Variants in CCNG1 observed in about 807,000 individuals in gnomAD.
CCNG1 encodes cyclin-G1.
CCNG1 carries 13 observed loss-of-function variants against 30.0 expected under a neutral mutation model. That is an observed-to-expected ratio of 0.43 (90% CI 0.28 to 0.69). The LOEUF is 0.69. CCNG1 is among the 30% of genes least tolerant of loss of function. CCNG1 has a pLI of 0.16. For missense variants in CCNG1, 285 were observed against 331.4 expected (o/e 0.86, Z 1.09); for synonymous variants, 110 against 121.5 (o/e 0.91, Z 0.62).
In CCNG1 at chr5:163,444,853, A is replaced by T. The variant is rs1757993307; in HGVS notation, c.*1183A>T. 1 of 152,630 alleles carries T rather than the reference A, an allele frequency of 6.6e-6. No homozygotes were observed. Among genetic ancestry groups the T allele is most frequent in the South Asian group, 2.1e-4 (1 of 4,828 alleles). 9.5% of individuals were successfully genotyped at this position (152,630 alleles called of 1,614,324 possible). ...GTATATCTTATTCTTAACTTTTGTA[A>T]ACCATGTTTTATGGGTAACTTTTTA... On this transcript the variant is annotated 3_prime_UTR_variant, in exon 7 of 7. Transcript: ENST00000340828.
the CCNG1 span, chr5:163,456,783 G>A: frequency 3.3e-6 from 2 of 612,772 alleles, no homozygotes; most frequent in South Asian, 3.3e-5. Flanking sequence ...TACAAGAAAG[G>A]CCATTTTTCT....
At chr5:163,439,086 C>T in intron 1 of CCNG1, 171 bp from the exon 2 acceptor site, 1 of 553,784 alleles carries the variant, frequency 1.8e-6, no homozygotes, top group Admixed American at 3.4e-5. Flanking sequence ...ATGTGACCAA[C>T]TTGTAGAAGG....
intron 2 of CCNG1, 29 bp downstream of exon 2, chr5:163,439,549 TTGCTCAG>T: frequency 3.8e-6 from 6 of 1,588,830 alleles, no homozygotes; most frequent in Non-Finnish European, 5.1e-6. Flanking sequence ...TTTTGTAATT[TTGCTCAG>T]TGTGTTTTGG....
At chr5:163,455,180 T>G in the CCNG1 span, among the ~76,000 whole-genome samples, 1 of 151,918 alleles carries the variant, frequency 6.6e-6, no homozygotes, top group Non-Finnish European at 1.5e-5. Flanking sequence ...GAAATAAAAT[T>G]ATATTTAAAT....
chr5:163,454,541 A>G, the CCNG1 span, among the ~76,000 whole-genome samples: 2 of 152,050 alleles, frequency 1.3e-5, no homozygotes, highest in Non-Finnish European at 1.5e-5. Context: ...GGGTTTCTCC[A>G]TGTTGGTCAG....
At chr5:163,450,347 T>C (rs1324378566), downstream of CCNG1, 1 of 152,164 alleles carries the variant, frequency 6.6e-6, no homozygotes, top group East Asian at 1.9e-4. Context: ...AATGGCATGA[T>C]GGATAAGACT....
rs79186266 is a variant in CCNG1, at chr5:163,439,611, T to G, written c.264+91T>G. The G allele has an allele frequency of 1.5e-3, 1,322 of 893,202 alleles. 14 individuals carry two copies. The African/African-American group carries it at 0.035, about 23-fold the overall frequency. The allele number at this position is 893,202 out of a possible 1,614,324, so 55.3% of individuals were successfully genotyped here. On this transcript the variant is annotated intron_variant, in intron 2 of 6. Transcript: ENST00000340828. ...TGGCTGGTATTCATAAACTTGACCT[T>G]TTTTTTTTCAGCACGTAGCCAAAAC...
rs193188036 is a variant in CCNG1 at position 163,444,482 on chromosome 5, G to A, written c.*812G>A. On this transcript the variant is annotated 3_prime_UTR_variant, in exon 7 of 7. Coordinates refer to ENST00000340828, the MANE Select transcript of CCNG1 (RefSeq NM_004060.4). ...CGAAAACTTGCTTTCCCACACTAAG[G>A]TAAGTTCAGACTAGATTGAACACTC... is the stretch of plus-strand genomic sequence containing the variant. 8.5e-5 allele frequency: 13 copies of A among 152,574 alleles called. No individual in the cohort carries two copies. The highest frequency in any genetic ancestry group is 1.6e-4 in the Non-Finnish European group (11 of 68,002). The allele number at this position is 152,574 out of a possible 1,614,324, so 9.5% of individuals were successfully genotyped here. A position where few individuals can be genotyped will look rare whatever the true frequency, so the allele number is the denominator to read the frequency against.
At chr5:163,441,484 A>C (rs557730325) in intron 3 of CCNG1, among the ~76,000 whole-genome samples, 153 bp downstream of exon 3, 31 of 152,348 alleles carry the variant, frequency 2.0e-4, no homozygotes, top group Non-Finnish European at 1.8e-4. Flanking sequence ...CATAAGTGAG[A>C]AAATGTTCCA....
At chr5:163,447,217 C>A, downstream of CCNG1, 1 of 152,610 alleles carries the variant, frequency 6.6e-6, no homozygotes, top group South Asian at 1.9e-4. Context: ...TTTGGGAAGC[C>A]AAGGTGGGAG....
At chr5:163,457,010 T>G in the CCNG1 span, 11 of 1,613,654 alleles carry the variant, frequency 6.8e-6, no homozygotes, top group Non-Finnish European at 9.3e-6. Context: ...CAGATTCTAG[T>G]AGAGAAGTCC....
intron 2 of CCNG1, among the ~76,000 whole-genome samples, chr5:163,440,183 A>C (rs1757732345): frequency 6.6e-6 from 1 of 152,102 alleles, no homozygotes; most frequent in East Asian, 1.9e-4. Flanking sequence ...TCGGTATCTA[A>C]CACAGTGCAT....
chr5:163,449,831 G>A (rs889881491), downstream of CCNG1: 3 of 152,094 alleles, frequency 2.0e-5, no homozygotes, highest in Non-Finnish European at 4.4e-5. Flanking sequence ...TTCAACAGAC[G>A]ATTTTAAAAC....
downstream of CCNG1, chr5:163,450,594 A>T (rs1758154188): frequency 6.6e-6 from 1 of 152,226 alleles, no homozygotes; most frequent in Non-Finnish European, 1.5e-5. Context: ...ATCAGAGAAT[A>T]GCAAACCAAA....
intron 5 of CCNG1, 85 bp downstream of exon 5, chr5:163,442,228 C>T: frequency 9.0e-7 from 1 of 1,108,016 alleles, no homozygotes; most frequent in South Asian, 1.5e-5. Context: ...AATGAGATGT[C>T]ATATGTTTAT....
At chr5:163,447,492 A>C (rs1002517047), downstream of CCNG1, 1 of 151,898 alleles carries the variant, frequency 6.6e-6, no homozygotes, top group African/African-American at 2.4e-5. Flanking sequence ...CATTAAAAGG[A>C]GGACTGGACA....
the CCNG1 span, among the ~76,000 whole-genome samples, chr5:163,455,521 T>C: frequency 8.5e-5 from 13 of 152,172 alleles, no homozygotes; most frequent in Admixed American, 5.9e-4. Context: ...CCCGGCACTT[T>C]GGGAGGCCAA....
chr5:163,454,069 T>C, the CCNG1 span: 3 of 1,350,146 alleles, frequency 2.2e-6, no homozygotes, highest in Non-Finnish European at 3.0e-6. Flanking sequence ...TACAAACATA[T>C]ATATAATGAA....
At chr5:163,457,024 A>G in the CCNG1 span, 1 of 1,613,374 alleles carries the variant, frequency 6.2e-7, no homozygotes, top group Middle Eastern at 1.6e-4. Context: ...GAAGTCCAAC[A>G]ATTTGCTGCA....
Sources: gnomAD v4.1 joint callset for allele counts (sites outside exome capture counted in the v4.1 genomes callset) on GRCh38, gnomAD v4.1.1 for gene constraint, MANE v1.5 for transcripts, NCBI Gene and HGNC (gene_info 2026-07-23, HGNC 2026-07-21) for gene names.